CEMIP2: variants seen among roughly 807,000 people sequenced by gnomAD.
CEMIP2 encodes the protein cell migration inducing hyaluronidase 2.
Under a neutral mutation model 146.9 loss-of-function variants are expected in CEMIP2, and 79 were observed. That is an observed-to-expected ratio of 0.54 (90% CI 0.45 to 0.65). The LOEUF (loss-of-function observed/expected upper bound fraction) is 0.65, where lower values mean the gene tolerates loss of function less well. Among genes scored for constraint, CEMIP2 ranks in the 30% least tolerant of loss-of-function variants. The pLI, the probability that CEMIP2 is intolerant of heterozygous loss-of-function variation, is 0.00. For missense variants in CEMIP2, 1,596 were observed against 1,696.2 expected, an observed-to-expected ratio of 0.94 and a Z score of 1.04; for synonymous variants, 601 against 606.3, an observed-to-expected ratio of 0.99 and a Z score of 0.13.
chr9:71,767,543 T>C (rs987775291), intron 1 of CEMIP2, among the ~76,000 whole-genome samples: 1 of 152,212 alleles, frequency 6.6e-6, no homozygotes, highest in Admixed American at 6.5e-5. Context: ...CTGTTTCCGC[T>C]CCAGGTCGAA....
intron 5 of CEMIP2, among the ~76,000 whole-genome samples, chr9:71,735,217 C>A (rs1360646513): frequency 6.6e-6 from 1 of 151,900 alleles, no homozygotes. Context: ...CCCCATGTAC[C>A]TCTAGCCATG....
chr9:71,719,842 C>CAAAAACAAAAAAA (rs1823181362), intron 12 of CEMIP2, among the ~76,000 whole-genome samples: 1 of 93,196 alleles, frequency 1.1e-5, no homozygotes, highest in Non-Finnish European at 2.0e-5. Context: ...TAAACGAAAG[C>CAAAAACAAAAAAA]AAAAAAAAAA....
Position 71,750,344 on chromosome 9 carries a change from G to A in CEMIP2, c.30C>T (p.Ser10=). ...CATTCTGAGGTTGGAGGAAAGCAGG[G>A]GAGTGTCCCCTGGAATCAGTGGCAT... MYATDSRGH[S]PAFLQPQNGN... Residue 10 remains serine (S), a synonymous_variant, in exon 2 of 24, where the codon TCC becomes TCT. Coordinates refer to ENST00000377044, the MANE Select transcript of CEMIP2 (RefSeq NM_013390.3). The A allele has an allele frequency of 6.2e-7, 1 of 1,613,352 alleles. No homozygotes were observed. The highest frequency in any genetic ancestry group is 8.5e-7 in the Non-Finnish European group (1 of 1,179,744).
chr9:71,684,765 G>A lies in CEMIP2; in HGVS notation c.*432C>T, dbSNP rs113363263. The A allele has an allele frequency of 8.2e-3, 1,287 of 156,092 alleles. 11 individuals are homozygous for A. Among genetic ancestry groups the A allele is most frequent in the African/African-American group, 0.029 (1,225 of 41,694 alleles). The allele number at this position is 156,092 out of a possible 1,614,324, so 9.7% of individuals were successfully genotyped here. ...GCCCCAGGCACTGCTGAACATGCCA[G>A]CCACCAAGTCAACTGCCACCCGACC... On this transcript the variant is annotated 3_prime_UTR_variant, in exon 24 of 24. Coordinates refer to ENST00000377044, the MANE Select transcript of CEMIP2 (RefSeq NM_013390.3).
In CEMIP2 at chr9:71,704,629, G is replaced by A. The variant is rs763962057; in HGVS notation, c.3160C>T (p.Arg1054Trp). 14 of 1,614,018 alleles carry A rather than the reference G, an allele frequency of 8.7e-6. No individual in the cohort carries two copies. Among genetic ancestry groups the A allele is most frequent in the East Asian group, 4.5e-5 (2 of 44,900 alleles). Residue 1054 changes from arginine (R) to tryptophan (W), a missense_variant, in exon 18 of 24, where the codon CGG (arginine) becomes TGG (tryptophan). By Grantham distance (101) the Arg-to-Trp change is moderately radical (BLOSUM62 -3). Transcript: ENST00000377044. ...YTIHWNGPAP[R>W]TTFLYLVNFN... is the part of the protein sequence containing the mutation. ...TTGACGAGGTATAGAAATGTAGTCCGTGGTGCCGGCCCATTCCAGTGGATG... is the reference window on the plus strand; with the variant it reads ...TTGACGAGGTATAGAAATGTAGTCCATGGTGCCGGCCCATTCCAGTGGATG...
intron 12 of CEMIP2, among the ~76,000 whole-genome samples, chr9:71,720,058 T>C (rs993676956): frequency 6.6e-6 from 1 of 152,198 alleles, no homozygotes; most frequent in Admixed American, 6.5e-5. Flanking sequence ...AGACAATAGT[T>C]ACTTTTTCCC....
rs1822412743 is a variant in CEMIP2 at position 71,696,669 on chromosome 9, G to A, written c.3597+1316C>T. Among the ~76,000 whole-genome samples the A allele has an allele frequency of 1.3e-5, 2 of 152,054 alleles. 1 individual carries two copies. Among genetic ancestry groups the A allele is most frequent in the South Asian group, 4.1e-4 (2 of 4,824 alleles). ...ACCTGTAGTCCCAGCTTCTCAGGAG[G>A]CTGAGGGAGGAGAATCCCTTGAACC... On this transcript the variant is annotated intron_variant, in intron 20 of 23. Transcript: ENST00000377044.
chr9:71,746,664 G>T (rs1824100404), intron 2 of CEMIP2, among the ~76,000 whole-genome samples: 1 of 148,134 alleles, frequency 6.8e-6, no homozygotes, highest in Admixed American at 6.7e-5. Flanking sequence ...ATAGTAAGAG[G>T]CAAAATTATA....
intron 5 of CEMIP2, among the ~76,000 whole-genome samples, chr9:71,738,343 T>C (rs1372404557): frequency 6.6e-6 from 1 of 152,082 alleles, no homozygotes; most frequent in Non-Finnish European, 1.5e-5. Flanking sequence ...TGAAACTCTG[T>C]CTCTAATAGA....
chr9:71,700,538 C>T (rs1171501041), intron 19 of CEMIP2, 104 bp downstream of exon 19: 3 of 1,163,756 alleles, frequency 2.6e-6, no homozygotes, highest in Non-Finnish European at 3.7e-6. Flanking sequence ...AGAGAATTAC[C>T]CACATCAGCT....
chr9:71,735,011 A>G lies in CEMIP2; in HGVS notation c.1205-17T>C, dbSNP rs982368853. On this transcript the variant is annotated splice_polypyrimidine_tract_variant and intron_variant, in intron 5 of 23. Transcript: ENST00000377044. ...GAGAAACGCCTAAACCAAAAAAAAA[A>G]AAAAGAAAAAGAAAGTGATACATTA... 5.1e-6 allele frequency: 8 copies of G among 1,572,734 alleles called. No individual in the cohort carries two copies. In the South Asian group the frequency reaches 5.9e-5, roughly 12 times the overall value.
At chr9:71,714,505 G>A (rs1010470849) in intron 15 of CEMIP2, among the ~76,000 whole-genome samples, 2 of 152,076 alleles carry the variant, frequency 1.3e-5, no homozygotes, top group African/African-American at 4.8e-5. Context: ...ACTCTTTTCA[G>A]TAGGTAATTT....
At chr9:71,732,650 C>G (rs1371502584) in intron 6 of CEMIP2, 130 bp from the exon 7 acceptor site, 1 of 702,458 alleles carries the variant, frequency 1.4e-6, no homozygotes, top group East Asian at 3.5e-5. Flanking sequence ...CTCCCATTCT[C>G]TGACACTTCA....
intron 2 of CEMIP2, among the ~76,000 whole-genome samples, chr9:71,748,688 C>T (rs894941688): frequency 6.6e-6 from 1 of 152,086 alleles, no homozygotes. Context: ...GAAGTCATAC[C>T]GCATGCAATG....
In CEMIP2 at chr9:71,745,590, C is replaced by T; in HGVS notation, c.473-11G>A. The T allele has an allele frequency of 6.4e-7, 1 of 1,568,890 alleles. No homozygotes were observed. The highest frequency in any genetic ancestry group is 8.6e-7 in the Non-Finnish European group (1 of 1,160,438). On this transcript the variant is annotated splice_polypyrimidine_tract_variant and intron_variant, in intron 3 of 23. Transcript: ENST00000377044. Reference sequence around the variant, plus strand: ...CAAATACAAGCAGTCCTGCAGGGAACACCACCCTGTAAGCCAACTTCTAAA... The same window carrying T: ...CAAATACAAGCAGTCCTGCAGGGAATACCACCCTGTAAGCCAACTTCTAAA...
Position 71,725,684 on chromosome 9 carries a change from T to C in CEMIP2, c.2075A>G (p.His692Arg), listed in dbSNP as rs1194468181. ...ACTGGATTCCCCAGTTGGTTCCTTG[T>C]GGAATAAATACCATATTCCAGCATC... ...SQDAGIWYLF[H>R]KEPTGESSGL... The change falls in exon 11 of 24, where the codon CAC (histidine) becomes CGC (arginine). Residue 692 changes from histidine to arginine, a missense_variant. Coordinates refer to ENST00000377044, the MANE Select transcript of CEMIP2 (RefSeq NM_013390.3). The C allele has an allele frequency of 1.2e-6, 2 of 1,613,782 alleles. No homozygotes were observed. Among genetic ancestry groups the C allele is most frequent in the South Asian group, 1.1e-5 (1 of 91,058 alleles).
intron 6 of CEMIP2, among the ~76,000 whole-genome samples, chr9:71,733,849 T>TTC (rs1491448849): frequency 8.2e-6 from 1 of 122,346 alleles, no homozygotes; most frequent in Non-Finnish European, 1.9e-5. Context: ...TTGTGTAGTC[T>TTC]TTTTTTTTTT....
At chr9:71,694,109 T>TTATA (rs1334253258) in intron 21 of CEMIP2, among the ~76,000 whole-genome samples, 1 of 71,538 alleles carries the variant, frequency 1.4e-5, no homozygotes, top group South Asian at 6.0e-4. Flanking sequence ...TTTTATTTAT[T>TTATA]TATTTATTTA....
chr9:71,697,908 A>G, intron 20 of CEMIP2, 77 bp downstream of exon 20: 1 of 1,443,004 alleles, frequency 6.9e-7, no homozygotes, highest in South Asian at 1.3e-5. Flanking sequence ...AGATGTTTCA[A>G]AGAAAAGTGC....
Sources: gnomAD v4.1 joint callset for allele counts (sites outside exome capture counted in the v4.1 genomes callset) on GRCh38, gnomAD v4.1.1 for gene constraint, MANE v1.5 for transcripts, NCBI Gene and HGNC (gene_info 2026-07-23, HGNC 2026-07-21) for gene names.